SLC41A2: variants seen among roughly 807,000 people sequenced by gnomAD.
SLC41A2 encodes SLC41A1-like 1.
A neutral mutation model predicts 58.3 loss-of-function variants in SLC41A2; 32 were observed. That is an observed-to-expected ratio of 0.55 (90% confidence interval 0.41 to 0.74). SLC41A2 has a LOEUF of 0.74. Ranked by LOEUF, SLC41A2 falls within the 30% of genes least tolerant of loss-of-function variation. The pLI is 0.00. For missense variants in SLC41A2, 514 were observed against 680.6 expected (o/e 0.76, Z 2.72); for synonymous variants, 190 against 235.0 (o/e 0.81, Z 1.75).
chr12:104,821,424 C>G (rs188228065), intron 10 of SLC41A2, among the ~76,000 whole-genome samples: 6 of 152,024 alleles, frequency 3.9e-5, no homozygotes, highest in Admixed American at 3.9e-4. Flanking sequence ...TAGCAAAAAA[C>G]TAAAAACAAT....
intron 10 of SLC41A2, among the ~76,000 whole-genome samples, chr12:104,837,726 T>G (rs1209578942): frequency 6.6e-6 from 1 of 151,876 alleles, no homozygotes; most frequent in East Asian, 1.9e-4. Context: ...GCTCTAACAC[T>G]GAGGGAAAGA....
chr12:104,948,143 T>C (rs570269872), intron 1 of SLC41A2, among the ~76,000 whole-genome samples: 3 of 152,344 alleles, frequency 2.0e-5, no homozygotes, highest in East Asian at 3.9e-4. Flanking sequence ...TTTTGGGAGC[T>C]AGGGATCCCT....
intron 2 of SLC41A2, among the ~76,000 whole-genome samples, chr12:104,916,905 T>A (rs928942978): frequency 1.1e-4 from 16 of 151,654 alleles, no homozygotes; most frequent in Non-Finnish European, 2.2e-4. Context: ...ATTCAGGACA[T>A]AGGCGTGGGC....
chr12:104,806,171 G>A (rs564572041), intron 10 of SLC41A2, among the ~76,000 whole-genome samples: 56 of 152,166 alleles, frequency 3.7e-4, no homozygotes, highest in African/African-American at 1.2e-3. Context: ...CCATTAACTT[G>A]TCATTTAGCA....
intron 3 of SLC41A2, among the ~76,000 whole-genome samples, chr12:104,904,644 T>TGGCGCG (rs2045726908): frequency 2.0e-5 from 3 of 151,792 alleles, no homozygotes; most frequent in Non-Finnish European, 2.9e-5. Flanking sequence ...CCTTCTGATG[T>TGGCGCG]TCAGATGTGT....
intron 2 of SLC41A2, among the ~76,000 whole-genome samples, chr12:104,920,446 CAA>C (rs1169985567): frequency 2.0e-5 from 3 of 151,436 alleles, no homozygotes; most frequent in African/African-American, 7.3e-5. Context: ...TAAAAGAAAA[CAA>C]ATCGTAAAAC....
At chr12:104,819,912 C>A (rs1010970519) in intron 10 of SLC41A2, among the ~76,000 whole-genome samples, 1 of 152,206 alleles carries the variant, frequency 6.6e-6, no homozygotes, top group Non-Finnish European at 1.5e-5. Context: ...ATTCTGCATT[C>A]TTCAGCCAGT....
chr12:104,879,484 G>A (rs1188717858), intron 6 of SLC41A2, among the ~76,000 whole-genome samples: 2 of 152,170 alleles, frequency 1.3e-5, no homozygotes, highest in African/African-American at 4.8e-5. Flanking sequence ...AAGGTGTAAG[G>A]AAGGGATCCA....
chr12:104,928,127 T>A lies in SLC41A2; in HGVS notation c.401A>T (p.Asp134Val). ...SETTAMLQDE[D>V]ISSDGDEDAI... ...ATCTTCATCACCATCACTAGATATA[T>A]CTTCATCTTGTAACATGGCAGTGGT... The change falls in exon 2 of 11, where the codon GAT (aspartate) becomes GTT (valine). Residue 134 changes from aspartate (D) to valine (V), a missense_variant. By Grantham distance (152) the Asp-to-Val change is radical. This residue lies in a region of SLC41A2 where 336 missense variants were observed against 430.0 expected (regional missense o/e 0.78). Coordinates refer to ENST00000258538, the MANE Select transcript of SLC41A2 (RefSeq NM_001352171.3). 1 of 1,614,176 alleles carries A rather than the reference T, an allele frequency of 6.2e-7. No individual in the cohort carries two copies. The highest frequency in any genetic ancestry group is 8.5e-7 in the Non-Finnish European group (1 of 1,180,030).
intron 3 of SLC41A2, among the ~76,000 whole-genome samples, chr12:104,898,766 A>G (rs1195384230): frequency 2.0e-5 from 3 of 152,188 alleles, no homozygotes; most frequent in Non-Finnish European, 4.4e-5. Context: ...CAAAATACTC[A>G]AAGAACTCTT....
chr12:104,824,700 G>A (rs1566108379), intron 10 of SLC41A2, among the ~76,000 whole-genome samples: 5 of 152,116 alleles, frequency 3.3e-5, no homozygotes. Flanking sequence ...GGCTTCAGTT[G>A]CAAACATTCA....
chr12:104,831,523 C>G (rs2042035577), intron 10 of SLC41A2, among the ~76,000 whole-genome samples: 1 of 152,164 alleles, frequency 6.6e-6, no homozygotes, highest in African/African-American at 2.4e-5. Context: ...TGCACTGTTT[C>G]TAAGTTTAGA....
At chr12:104,880,671 T>C (rs951377583) in intron 6 of SLC41A2, among the ~76,000 whole-genome samples, 5 of 152,190 alleles carry the variant, frequency 3.3e-5, no homozygotes, top group African/African-American at 1.2e-4. Flanking sequence ...GAAGCCAACT[T>C]GATTATGGTG....
chr12:104,818,146 A>G (rs76047742), intron 10 of SLC41A2, among the ~76,000 whole-genome samples: 2,261 of 152,338 alleles, frequency 0.015, 58 homozygotes, highest in East Asian at 0.12. Context: ...CAATGCTTAA[A>G]AAGAGCAAGA....
chr12:104,950,395 C>T (rs776837222), intron 1 of SLC41A2, among the ~76,000 whole-genome samples: 6 of 152,206 alleles, frequency 3.9e-5, no homozygotes, highest in Non-Finnish European at 8.8e-5. Flanking sequence ...TTCTCTCTCT[C>T]CTGTTGCCAT....
intron 7 of SLC41A2, among the ~76,000 whole-genome samples, chr12:104,863,701 A>G (rs762195811): frequency 6.6e-6 from 1 of 151,932 alleles, no homozygotes; most frequent in Admixed American, 6.6e-5. Flanking sequence ...TCCCTTCCCA[A>G]ATCCCTTCCT....
chr12:104,824,546 C>T (rs1038943608), intron 10 of SLC41A2, among the ~76,000 whole-genome samples: 1 of 152,186 alleles, frequency 6.6e-6, no homozygotes, highest in East Asian at 1.9e-4. Context: ...CATGTGTAAT[C>T]TGATTCTTCA....
chr12:104,906,396 G>T (rs902753199), intron 3 of SLC41A2, among the ~76,000 whole-genome samples: 1 of 152,064 alleles, frequency 6.6e-6, no homozygotes. Context: ...GCTTGGACAT[G>T]GGGCCTGGTG....
chr12:104,887,911 C>T (rs1344539598), intron 5 of SLC41A2, among the ~76,000 whole-genome samples: 1 of 152,012 alleles, frequency 6.6e-6, no homozygotes, highest in Non-Finnish European at 1.5e-5. Flanking sequence ...TTAGAACACA[C>T]ATTATTCAAA....
Sources: allele counts gnomAD v4.1 joint callset (sites outside exome capture counted in the v4.1 genomes callset), GRCh38; gene constraint gnomAD v4.1.1; regional missense constraint gnomAD v4.1.1; transcripts MANE v1.5; gene names NCBI Gene and HGNC (gene_info 2026-07-23, HGNC 2026-07-21).